Variants in USP8 observed in about 807,000 individuals in gnomAD.
The protein encoded by USP8 is ubiquitin carboxyl-terminal hydrolase 8.
In USP8, 27 loss-of-function variants were observed where a neutral mutation model predicts 130.0. The observed-to-expected ratio is 0.21, with a 90% CI of 0.15 to 0.29. The LOEUF is 0.29. USP8 is among the 10% of genes least tolerant of loss of function. The pLI is 1.00. For missense variants in USP8, 1,029 were observed against 1,312.2 expected, an observed-to-expected ratio of 0.78 and a Z score of 3.33; for synonymous variants, 392 against 444.1, an observed-to-expected ratio of 0.88 and a Z score of 1.48.
intron 3 of USP8, among the ~76,000 whole-genome samples, chr15:50,442,383 A>G (rs889906289): frequency 1.3e-5 from 2 of 152,192 alleles, no homozygotes; most frequent in Non-Finnish European, 2.9e-5. Flanking sequence ...ATAAATGAAT[A>G]GAAAAAATTG....
chr15:50,476,306 G>A (rs879158216), intron 8 of USP8, among the ~76,000 whole-genome samples: 2 of 152,182 alleles, frequency 1.3e-5, no homozygotes, highest in Admixed American at 6.5e-5. Context: ...GCGCGTGCTT[G>A]TAAGTCCCAG....
rs1415436065 is a variant in USP8 at position 50,497,198 on chromosome 15, A to G, written c.3005A>G (p.Lys1002Arg). The G allele has an allele frequency of 1.2e-6, 2 of 1,611,246 alleles. No homozygotes were observed. Among genetic ancestry groups the G allele is most frequent in the Admixed American group, 3.4e-5 (2 of 59,474 alleles). ...RDSLKKIEIWKLPPVLLVHLK... is the reference protein window; with the variant it reads ...RDSLKKIEIWRLPPVLLVHLK... ...TCTCTAAAAAAGATAGAAATCTGGA[A>G]GTTACCACCTGTGCTTTTAGTGCAT... The change falls in exon 18 of 20, where the codon AAG (lysine) becomes AGG (arginine). Residue 1002 changes from lysine (K) to arginine (R), a missense_variant. Physicochemically the swap from Lys to Arg is conservative, Grantham distance 26. Around this residue, in one of 4 missense-constraint regions of USP8, gnomAD observed 257 missense variants for 429.8 expected, o/e 0.60. Transcript: ENST00000307179.
chr15:50,485,425 G>T (rs920131166), intron 12 of USP8, among the ~76,000 whole-genome samples: 2 of 150,174 alleles, frequency 1.3e-5, no homozygotes, highest in African/African-American at 4.9e-5. Flanking sequence ...ACTCCAGCCT[G>T]GGCAACAGAG....
At chr15:50,472,820 G>A (rs1424251799) in intron 8 of USP8, among the ~76,000 whole-genome samples, 1 of 152,058 alleles carries the variant, frequency 6.6e-6, no homozygotes, top group African/African-American at 2.4e-5. Context: ...TGAGGTAGGA[G>A]AATCGATTGA....
chr15:50,471,310 G>A (rs2051367568), intron 7 of USP8, among the ~76,000 whole-genome samples: 1 of 152,192 alleles, frequency 6.6e-6, no homozygotes, highest in Non-Finnish European at 1.5e-5. Flanking sequence ...ATATTTGGCT[G>A]AAAGAGGAGC....
intron 12 of USP8, among the ~76,000 whole-genome samples, chr15:50,488,745 T>G (rs963225486): frequency 6.6e-6 from 1 of 151,356 alleles, no homozygotes; most frequent in African/African-American, 2.4e-5. Context: ...TTGGATTTTT[T>G]TTTTTTTAGT....
intron 3 of USP8, among the ~76,000 whole-genome samples, chr15:50,445,852 G>A (rs780333381): frequency 1.5e-4 from 21 of 138,064 alleles, no homozygotes; most frequent in African/African-American, 2.9e-4. Flanking sequence ...GCAAGACTCC[G>A]TCTCAAAAAA....
At chr15:50,457,604 T>A in intron 4 of USP8, among the ~76,000 whole-genome samples, 2 of 140,894 alleles carry the variant, frequency 1.4e-5, no homozygotes, top group East Asian at 2.1e-4. Flanking sequence ...GGCTCACACC[T>A]ATAATCCCAG....
intron 10 of USP8, among the ~76,000 whole-genome samples, chr15:50,477,807 C>T (rs1346229179): frequency 6.6e-6 from 1 of 150,502 alleles, no homozygotes; most frequent in African/African-American, 2.4e-5. Flanking sequence ...CACCACTGCA[C>T]CCCAGCCTGG....
chr15:50,449,553 C>T lies in USP8; in HGVS notation c.335+68C>T, dbSNP rs547258671. 9.9e-5 allele frequency: 112 copies of T among 1,137,014 alleles called. 1 individual carries two copies. Among genetic ancestry groups the T allele is most frequent in the African/African-American group, 6.9e-4 (43 of 62,232 alleles). The allele number at this position is 1,137,014 out of a possible 1,614,324, so 70.4% of individuals were successfully genotyped here. A position where few individuals can be genotyped will look rare whatever the true frequency, so the allele number is the denominator to read the frequency against. On this transcript the variant is annotated intron_variant, in intron 4 of 19. Coordinates refer to ENST00000307179, the MANE Select transcript of USP8 (RefSeq NM_005154.5). ...GATAAAAATAATATTTAAGATTTAC[C>T]GATTTATATCTGACGATTCATATAA... is the stretch of plus-strand genomic sequence containing the variant.
chr15:50,498,824 T>G lies in USP8; in HGVS notation c.3172-79T>G, dbSNP rs1257138314. 4 of 1,549,566 alleles carry G rather than the reference T, an allele frequency of 2.6e-6. No homozygotes were observed. In the African/African-American group the frequency reaches 5.5e-5, roughly 21 times the overall value. On this transcript the variant is annotated intron_variant, in intron 19 of 19. Transcript: ENST00000307179. ...ACCTCATGGAAGAGTAAGAACAACA[T>G]AAAGCTTTGAAACTATTGGCGTATT...
At chr15:50,448,584 A>G (rs1365368495) in intron 3 of USP8, among the ~76,000 whole-genome samples, 2 of 151,636 alleles carry the variant, frequency 1.3e-5, no homozygotes, top group Non-Finnish European at 2.9e-5. Flanking sequence ...CAGTGGCGCA[A>G]TCTCGGCTCA....
intron 12 of USP8, among the ~76,000 whole-genome samples, chr15:50,487,329 G>T (rs778441372): frequency 1.3e-4 from 20 of 151,826 alleles, no homozygotes; most frequent in Non-Finnish European, 2.4e-4. Context: ...AAACCCAAAG[G>T]AGCTGAAAAT....
chr15:50,495,765 A>G, intron 16 of USP8, 83 bp from the exon 17 acceptor site: 3 of 1,099,824 alleles, frequency 2.7e-6, no homozygotes, highest in Non-Finnish European at 3.9e-6. Flanking sequence ...AAATCTGGCA[A>G]GTGTTTGTAT....
chr15:50,478,542 T>A (rs1238964264), intron 10 of USP8, among the ~76,000 whole-genome samples: 3 of 152,238 alleles, frequency 2.0e-5, no homozygotes, highest in African/African-American at 7.2e-5. Flanking sequence ...TTCATTTTTT[T>A]AAGGTCTTTT....
intron 10 of USP8, among the ~76,000 whole-genome samples, chr15:50,479,268 G>T (rs985925661): frequency 6.6e-6 from 1 of 152,092 alleles, no homozygotes; most frequent in Non-Finnish European, 1.5e-5. Context: ...ATTTTATCTG[G>T]GCTTTAAGAG....
At chr15:50,498,415 T>A in intron 18 of USP8, 181 bp from the exon 19 acceptor site, 1 of 743,476 alleles carries the variant, frequency 1.3e-6, no homozygotes, top group Non-Finnish European at 2.0e-6. Context: ...GCCTCAGTTT[T>A]CTTGTTTGTA....
chr15:50,459,299 T>G (rs1006187904), intron 5 of USP8, 137 bp downstream of exon 5: 1 of 1,270,728 alleles, frequency 7.9e-7, no homozygotes, highest in Non-Finnish European at 1.1e-6. Context: ...GAAATTTATT[T>G]AAGGCTGGGC....
intron 6 of USP8, among the ~76,000 whole-genome samples, chr15:50,464,662 G>A (rs11070780): frequency 0.14 from 20,880 of 152,210 alleles, 1,949 homozygotes; most frequent in Middle Eastern, 0.28. Context: ...TTCCAGACCA[G>A]CCTAGTCAAC....
Sources: gnomAD v4.1 joint callset for allele counts (sites outside exome capture counted in the v4.1 genomes callset) on GRCh38, gnomAD v4.1.1 for gene constraint, gnomAD v4.1.1 regional missense constraint, MANE v1.5 for transcripts, NCBI Gene and HGNC (gene_info 2026-07-23, HGNC 2026-07-21) for gene names.